Variants in MALRD1 observed in about 807,000 individuals in gnomAD.
MALRD1 encodes MAM and LDL receptor class A domain containing 1.
In MALRD1, 247 loss-of-function variants were observed where a neutral mutation model predicts 242.1. The observed-to-expected ratio is 1.02, with a 90% confidence interval of 0.92 to 1.13. The LOEUF (loss-of-function observed/expected upper bound fraction) is 1.13. MALRD1 is among the 50% of genes most tolerant of loss of function. The pLI is 0.00. For synonymous variants in MALRD1, 995 were observed against 866.6 expected (o/e 1.15, Z -2.60); for missense variants, 2,989 against 2,533.1 (o/e 1.18, Z -3.86).
intron 32 of MALRD1, among the ~76,000 whole-genome samples, chr10:19,557,375 A>G (rs564427031): frequency 2.6e-5 from 4 of 152,260 alleles, no homozygotes; most frequent in African/African-American, 7.2e-5. Flanking sequence ...CAAAGCCACT[A>G]GATTTTCCCC....
At chr10:19,182,620 G>C (rs939324916) in intron 14 of MALRD1, among the ~76,000 whole-genome samples, 7 of 151,920 alleles carry the variant, frequency 4.6e-5, no homozygotes, top group Non-Finnish European at 8.8e-5. Context: ...GTGAGCCACT[G>C]CACCCGGCCC....
chr10:19,330,219 A>G (rs886968271), intron 23 of MALRD1, among the ~76,000 whole-genome samples: 1 of 152,022 alleles, frequency 6.6e-6, no homozygotes, highest in African/African-American at 2.4e-5. Flanking sequence ...CATGAAGTCA[A>G]TATATGAACA....
At chr10:19,284,559 T>C (rs1192649461) in intron 21 of MALRD1, among the ~76,000 whole-genome samples, 2 of 151,470 alleles carry the variant, frequency 1.3e-5, no homozygotes, top group African/African-American at 2.4e-5. Context: ...GTTTCATCCA[T>C]GTCCCTACAA....
At chr10:19,430,115 T>A (rs1275206123) in intron 28 of MALRD1, among the ~76,000 whole-genome samples, 1 of 116,002 alleles carries the variant, frequency 8.6e-6, no homozygotes, top group Non-Finnish European at 1.7e-5. Flanking sequence ...ATTTTCCTTT[T>A]TTTTTTTTTT....
At chr10:19,171,839 CATAT>C (rs953264973) in intron 13 of MALRD1, among the ~76,000 whole-genome samples, 6 of 142,670 alleles carry the variant, frequency 4.2e-5, no homozygotes, top group Non-Finnish European at 9.1e-5. Context: ...CATATATACA[CATAT>C]ATACACATAC....
chr10:19,660,682 TC>T (rs1246781385), intron 36 of MALRD1, among the ~76,000 whole-genome samples: 4 of 152,192 alleles, frequency 2.6e-5, no homozygotes, highest in African/African-American at 9.7e-5. Flanking sequence ...CCCATAAGTA[TC>T]CAATCTAATA....
At chr10:19,626,019 A>C (rs1030053232) in intron 36 of MALRD1, among the ~76,000 whole-genome samples, 4 of 152,170 alleles carry the variant, frequency 2.6e-5, no homozygotes, top group African/African-American at 9.6e-5. Context: ...AAAGTTTCAA[A>C]AAGTCAATTT....
At chr10:19,657,615 G>A (rs1388577290) in intron 36 of MALRD1, among the ~76,000 whole-genome samples, 1 of 151,704 alleles carries the variant, frequency 6.6e-6, no homozygotes, top group Non-Finnish European at 1.5e-5. Context: ...GAAATATTTT[G>A]GTAAAGCATT....
At chr10:19,692,260 T>G (rs1266414779) in intron 36 of MALRD1, 22 bp from the exon 37 acceptor site, 1 of 1,516,118 alleles carries the variant, frequency 6.6e-7, no homozygotes, top group African/African-American at 1.4e-5. Flanking sequence ...TTTCCAACTA[T>G]TTTATTTTAT....
At chr10:19,670,928 G>C (rs1841890173) in intron 36 of MALRD1, among the ~76,000 whole-genome samples, 1 of 150,570 alleles carries the variant, frequency 6.6e-6, no homozygotes, top group Non-Finnish European at 1.5e-5. Context: ...GCCCGGGCTG[G>C]AGTGCAGTGG....
rs922370945 is a variant in MALRD1, at chr10:19,059,701, AT to A, written c.200-7008del. Among the ~76,000 whole-genome samples the A allele has an allele frequency of 3.5e-3, 513 of 148,508 alleles. 1 individual carries two copies. The highest frequency in any genetic ancestry group is 0.01 in the African/African-American group (408 of 40,520). ...GCCACTGCGCTGGCCCTCTGCATCT[AT>A]TTTTTTTTTATAATGAAGATAAAAT... On this transcript the variant is annotated intron_variant, in intron 1 of 39. Coordinates refer to ENST00000454679, the MANE Select transcript of MALRD1 (RefSeq NM_001142308.3).
intron 26 of MALRD1, among the ~76,000 whole-genome samples, chr10:19,356,195 A>G (rs1182227162): frequency 6.6e-6 from 1 of 151,970 alleles, no homozygotes; most frequent in Non-Finnish European, 1.5e-5. Context: ...ATTTGTATAT[A>G]TATGAAGTTA....
At chr10:19,174,226 T>A (rs942691240) in intron 13 of MALRD1, among the ~76,000 whole-genome samples, 1 of 152,168 alleles carries the variant, frequency 6.6e-6, no homozygotes, top group African/African-American at 2.4e-5. Flanking sequence ...ACCAGTTAAA[T>A]GAGGTTCTTA....
chr10:19,134,660 A>T (rs980870503), intron 9 of MALRD1, among the ~76,000 whole-genome samples: 2 of 152,238 alleles, frequency 1.3e-5, no homozygotes, highest in Non-Finnish European at 2.9e-5. Context: ...CAGCCTATTG[A>T]GTTAACATTT....
intron 5 of MALRD1, among the ~76,000 whole-genome samples, chr10:19,115,375 C>T (rs932636652): frequency 3.3e-5 from 5 of 151,798 alleles, no homozygotes; most frequent in South Asian, 2.1e-4. Context: ...CCCCATGACA[C>T]GAATTTACCT....
At chr10:19,492,626 G>A (rs1213575907) in intron 30 of MALRD1, among the ~76,000 whole-genome samples, 1 of 152,194 alleles carries the variant, frequency 6.6e-6, no homozygotes, top group Non-Finnish European at 1.5e-5. Context: ...ATTGTACACA[G>A]GGCTGGCTTC....
chr10:19,248,273 G>C (rs954738390), intron 18 of MALRD1, among the ~76,000 whole-genome samples: 2 of 151,748 alleles, frequency 1.3e-5, no homozygotes, highest in African/African-American at 2.4e-5. Context: ...TCACTAAAAT[G>C]AGATTTTAAA....
intron 32 of MALRD1, among the ~76,000 whole-genome samples, chr10:19,563,703 C>A (rs12247828): frequency 1.5e-4 from 23 of 152,278 alleles, no homozygotes; most frequent in African/African-American, 5.5e-4. Context: ...TCAGGAAAAA[C>A]TCCTAATCAT....
intron 18 of MALRD1, among the ~76,000 whole-genome samples, chr10:19,210,379 T>C (rs1836998697): frequency 2.0e-5 from 3 of 152,206 alleles, no homozygotes; most frequent in Admixed American, 2.0e-4. Flanking sequence ...TGTTTATCCC[T>C]GGCCAAACAG....
Sources: allele counts gnomAD v4.1 joint callset (sites outside exome capture counted in the v4.1 genomes callset), GRCh38; gene constraint gnomAD v4.1.1; transcripts MANE v1.5; gene names NCBI Gene and HGNC (gene_info 2026-07-23, HGNC 2026-07-21).